Variants in TANGO6 observed in about 807,000 individuals in gnomAD.
TANGO6 encodes the protein transport and golgi organization 6 homolog.
Under a neutral mutation model 114.2 loss-of-function variants are expected in TANGO6, and 90 were observed. The ratio of observed to expected loss-of-function variants is 0.79; its 90% CI spans 0.66 to 0.94. TANGO6 has a LOEUF of 0.94. Among genes scored for constraint, TANGO6 ranks in the 40% least tolerant of loss-of-function variants. The pLI, the probability that TANGO6 is intolerant of heterozygous loss-of-function variation, is 0.00. For synonymous variants in TANGO6, 477 were observed against 509.8 expected (o/e 0.94, Z 0.87); for missense variants, 1,274 against 1,315.3 (o/e 0.97, Z 0.49).
intron 14 of TANGO6, among the ~76,000 whole-genome samples, chr16:68,934,342 G>C (rs2152199320): frequency 6.6e-6 from 1 of 152,214 alleles, no homozygotes; most frequent in Non-Finnish European, 1.5e-5. Flanking sequence ...ACTGTGCCCA[G>C]CCAAATTCTT....
rs1384597481 is a variant in TANGO6, at chr16:68,968,687, T to G, written c.2702-5341T>G. On this transcript the variant is annotated intron_variant, in intron 14 of 17. Transcript: ENST00000261778. Reference sequence around the variant, plus strand: ...GCCTAGCATTTTTTTTTTTTTTTTTTTGAGACGGAGTCTTGCTCTGTCGCC... The same window carrying G: ...GCCTAGCATTTTTTTTTTTTTTTTTGTGAGACGGAGTCTTGCTCTGTCGCC... Among the ~76,000 whole-genome samples the G allele has an allele frequency of 2.1e-5, 3 of 145,974 alleles. No individual in the cohort carries two copies. The East Asian group carries it at 6.1e-4, about 30-fold the overall frequency.
chr16:68,844,568 G>A (rs1233564612), intron 1 of TANGO6, among the ~76,000 whole-genome samples: 1 of 152,064 alleles, frequency 6.6e-6, no homozygotes, highest in Non-Finnish European at 1.5e-5. Flanking sequence ...AGGCCAAAGG[G>A]GATCACCTCC....
chr16:68,926,006 G>A (rs1468989874), intron 12 of TANGO6, among the ~76,000 whole-genome samples: 1 of 147,560 alleles, frequency 6.8e-6, no homozygotes, highest in Non-Finnish European at 1.5e-5. Context: ...TGGCCTTTCT[G>A]TTCTGTCCCA....
At chr16:69,053,917 T>C (rs1456680398) in intron 17 of TANGO6, among the ~76,000 whole-genome samples, 3 of 151,984 alleles carry the variant, frequency 2.0e-5, no homozygotes, top group Non-Finnish European at 4.4e-5. Context: ...ACAAAAAAAT[T>C]AGCCAGGTAT....
At chr16:68,946,292 C>T (rs913970714) in intron 14 of TANGO6, among the ~76,000 whole-genome samples, 7 of 151,546 alleles carry the variant, frequency 4.6e-5, no homozygotes, top group African/African-American at 1.5e-4. Flanking sequence ...CCCGGGTTCA[C>T]GCCATTCTCC....
At chr16:68,984,276 T>C (rs1963871181) in intron 15 of TANGO6, among the ~76,000 whole-genome samples, 1 of 152,150 alleles carries the variant, frequency 6.6e-6, no homozygotes, top group East Asian at 1.9e-4. Flanking sequence ...AAATGCTCCC[T>C]GCTGAGTCTG....
At position 69,083,709 on chromosome 16, in the gene TANGO6, A is replaced by G; in HGVS notation, c.*48A>G. 1 of 1,526,320 alleles carries G rather than the reference A, an allele frequency of 6.6e-7. No homozygotes were observed. The highest frequency in any genetic ancestry group is 1.4e-5 in the African/African-American group (1 of 72,600). The allele number at this position is 1,526,320 out of a possible 1,614,324, so 94.5% of individuals were successfully genotyped here. Reference sequence around the variant, plus strand: ...GAGGCAGGCAGGGCCAGGCACCCAGAGCCGTGCCCAGGTCTTCCAGCAGGT... The same window carrying G: ...GAGGCAGGCAGGGCCAGGCACCCAGGGCCGTGCCCAGGTCTTCCAGCAGGT... On this transcript the variant is annotated 3_prime_UTR_variant, in exon 18 of 18. Transcript: ENST00000261778.
At chr16:68,914,740 A>G (rs182086962) in intron 11 of TANGO6, among the ~76,000 whole-genome samples, 68 of 152,198 alleles carry the variant, frequency 4.5e-4, no homozygotes, top group Middle Eastern at 6.8e-3. Context: ...AAATCACAGG[A>G]AATGTATAGT....
chr16:68,870,947 ATTT>A (rs59608096), intron 4 of TANGO6, among the ~76,000 whole-genome samples: 1 of 140,066 alleles, frequency 7.1e-6, no homozygotes, highest in African/African-American at 2.6e-5. Context: ...CGCCCGGCTA[ATTT>A]TTTTTTTTTT....
chr16:68,873,109 T>TC, intron 4 of TANGO6, among the ~76,000 whole-genome samples: 1 of 149,484 alleles, frequency 6.7e-6, no homozygotes, highest in Non-Finnish European at 1.5e-5. Flanking sequence ...TCCTCAACCC[T>TC]CCCCCCATGT....
intron 7 of TANGO6, among the ~76,000 whole-genome samples, chr16:68,880,976 A>G (rs1204459022): frequency 1.3e-5 from 2 of 151,760 alleles, no homozygotes; most frequent in Non-Finnish European, 2.9e-5. Flanking sequence ...TTTGTGGAGA[A>G]TGAGGTCTCA....
At chr16:69,054,940 CAAA>C (rs35840863) in intron 17 of TANGO6, among the ~76,000 whole-genome samples, 50 of 68,900 alleles carry the variant, frequency 7.3e-4, no homozygotes, top group Admixed American at 1.5e-3. Flanking sequence ...GACTCCGTCT[CAAA>C]AAAAAAAAAA....
intron 12 of TANGO6, among the ~76,000 whole-genome samples, chr16:68,924,208 T>A (rs1029964604): frequency 1.3e-5 from 2 of 152,194 alleles, no homozygotes; most frequent in Non-Finnish European, 2.9e-5. Flanking sequence ...GCTTTTGAGA[T>A]TAAACCATCT....
At chr16:68,961,396 C>T (rs1445776669) in intron 14 of TANGO6, among the ~76,000 whole-genome samples, 8 of 152,340 alleles carry the variant, frequency 5.3e-5, no homozygotes, top group South Asian at 2.1e-4. Context: ...TTTTCACCTC[C>T]GTTCCTCAAC....
chr16:69,075,000 C>T (rs1960353224), intron 17 of TANGO6, among the ~76,000 whole-genome samples: 2 of 152,130 alleles, frequency 1.3e-5, no homozygotes, highest in South Asian at 4.2e-4. Flanking sequence ...AGGCATGCGC[C>T]ACTACGCCTG....
chr16:69,070,191 G>A (rs80174452), intron 17 of TANGO6, among the ~76,000 whole-genome samples: 13,394 of 151,872 alleles, frequency 0.088, 666 homozygotes, highest in South Asian at 0.18. Context: ...CTCGGCGATA[G>A]AGCGAGACTC....
chr16:68,875,522 T>G (rs1337754671), intron 5 of TANGO6, among the ~76,000 whole-genome samples: 1 of 152,120 alleles, frequency 6.6e-6, no homozygotes, highest in Non-Finnish European at 1.5e-5. Context: ...ATCTCAGCAC[T>G]TTGGGAGGCC....
intron 14 of TANGO6, among the ~76,000 whole-genome samples, chr16:68,955,879 G>C (rs963678053): frequency 3.9e-5 from 6 of 152,132 alleles, no homozygotes; most frequent in African/African-American, 1.4e-4. Flanking sequence ...GCCAGGCATG[G>C]TGGCTCACAT....
At chr16:69,020,005 G>A (rs1055051932) in intron 15 of TANGO6, among the ~76,000 whole-genome samples, 1 of 152,008 alleles carries the variant, frequency 6.6e-6, no homozygotes, top group Admixed American at 6.6e-5. Context: ...CTTAACAATG[G>A]GAATACATTC....
Sources: gnomAD v4.1 joint callset for allele counts (sites outside exome capture counted in the v4.1 genomes callset) on GRCh38, gnomAD v4.1.1 for gene constraint, MANE v1.5 for transcripts, NCBI Gene and HGNC (gene_info 2026-07-23, HGNC 2026-07-21) for gene names.